Variants in SLCO3A1 observed in about 807,000 individuals in gnomAD.
The protein encoded by SLCO3A1 is solute carrier organic anion transporter family member 3A1.
SLCO3A1 carries 27 observed loss-of-function variants against 63.1 expected under a neutral mutation model. The ratio of observed to expected loss-of-function variants is 0.43; its 90% confidence interval spans 0.32 to 0.59. The LOEUF (loss-of-function observed/expected upper bound fraction) is 0.59, where lower values mean the gene tolerates loss of function less well. Among genes scored for constraint, SLCO3A1 ranks in the 20% least tolerant of loss-of-function variants. The probability of loss-of-function intolerance (pLI) is 0.09; values close to 1 mark genes in which losing one functional copy is unlikely to be tolerated. For missense variants in SLCO3A1, 773 were observed against 945.8 expected (o/e 0.82, Z 2.40); for synonymous variants, 473 against 409.9 (o/e 1.15, Z -1.86).
chr15:91,953,495 G>T (rs1280913690), intron 2 of SLCO3A1, among the ~76,000 whole-genome samples: 2 of 152,194 alleles, frequency 1.3e-5, no homozygotes, highest in Non-Finnish European at 2.9e-5. Context: ...GGGAGAGCCT[G>T]CCAGGAGGAG....
In SLCO3A1 at chr15:91,865,900, C is replaced by A. The variant is rs1336709714; in HGVS notation, c.180+11812C>A. On this transcript the variant is annotated intron_variant, in intron 1 of 9. Transcript: ENST00000318445. The surrounding 1 kb of genome is among the most constrained non-coding windows in gnomAD (Gnocchi z 4.6). ...AAAGAGCAAAGGATCCTAAAACAGTCTGTGTGTACAAAGAAAACAAAGGCA... is the reference window on the plus strand; with the variant it reads ...AAAGAGCAAAGGATCCTAAAACAGTATGTGTGTACAAAGAAAACAAAGGCA... Among the ~76,000 whole-genome samples, 1 of 152,220 alleles carries A rather than the reference C, an allele frequency of 6.6e-6. No homozygotes were observed. The highest frequency in any genetic ancestry group is 1.5e-5 in the Non-Finnish European group (1 of 68,038).
At chr15:91,970,736 G>T (rs1900828773) in intron 2 of SLCO3A1, among the ~76,000 whole-genome samples, 1 of 152,154 alleles carries the variant, frequency 6.6e-6, no homozygotes. Flanking sequence ...CCCTGCTTTG[G>T]TTAGACAGTG....
chr15:91,894,255 A>G lies in SLCO3A1; in HGVS notation c.181-21738A>G. Among the ~76,000 whole-genome samples, 1 of 151,980 alleles carries G rather than the reference A, an allele frequency of 6.6e-6. No individual in the cohort carries two copies. Among genetic ancestry groups the G allele is most frequent in the East Asian group, 1.9e-4 (1 of 5,172 alleles). ...GAGGAGGGCAGGGGTGGGGGGTTTT[A>G]TAGCATCTTGCAGGCCAGGAGGGTC... On this transcript the variant is annotated intron_variant, in intron 1 of 9. Transcript: ENST00000318445. This position sits in a 1 kb window ranked among gnomAD's most constrained non-coding sequence, Gnocchi z 4.8.
At chr15:92,006,086 G>T (rs1221435025) in intron 2 of SLCO3A1, among the ~76,000 whole-genome samples, 1 of 152,062 alleles carries the variant, frequency 6.6e-6, no homozygotes, top group Admixed American at 6.6e-5. Context: ...TGGGCGTGCT[G>T]TTAGGTAATT....
intron 9 of SLCO3A1, among the ~76,000 whole-genome samples, chr15:92,161,251 A>G (rs2048433094): frequency 1.3e-5 from 2 of 152,128 alleles, no homozygotes; most frequent in Admixed American, 6.5e-5. Context: ...TCACTTTCCC[A>G]TAGTACAGAT....
intron 9 of SLCO3A1, among the ~76,000 whole-genome samples, chr15:92,160,421 A>G (rs1392217524): frequency 6.6e-6 from 1 of 152,118 alleles, no homozygotes; most frequent in Non-Finnish European, 1.5e-5. Context: ...GGGGCAGGGA[A>G]AACACACAGG....
chr15:91,878,633 T>G (rs1897466485), intron 1 of SLCO3A1, among the ~76,000 whole-genome samples: 1 of 152,204 alleles, frequency 6.6e-6, no homozygotes, highest in East Asian at 1.9e-4. Context: ...CACTCTGTTA[T>G]GTTTTAAAAT....
At chr15:91,984,204 A>G (rs1028419603) in intron 2 of SLCO3A1, among the ~76,000 whole-genome samples, 4 of 152,194 alleles carry the variant, frequency 2.6e-5, no homozygotes, top group African/African-American at 7.2e-5. Context: ...GGCCTTTTCC[A>G]GGAGGCGGTA....
Position 92,104,533 on chromosome 15 carries a change from C to A in SLCO3A1, c.1000C>A (p.Gln334Lys), listed in dbSNP as rs142950392. ...AGACAGCAGTGCCTCCTGTTTCCAG[C>A]AGCTGAGAGGTAAAGGTGGCCTCAT... Reference protein sequence around the residue: ...EPDSSASCFQQLRVIPKVTKH... With the variant: ...EPDSSASCFQKLRVIPKVTKH... Residue 334 changes from glutamine to lysine, a missense_variant, in exon 4 of 10, where the codon CAG (glutamine) becomes AAG (lysine). By Grantham distance (53) the Gln-to-Lys change is moderately conservative. Coordinates refer to ENST00000318445, the MANE Select transcript of SLCO3A1 (RefSeq NM_013272.4). The A allele has an allele frequency of 1.3e-5, 21 of 1,612,964 alleles. No homozygotes were observed. The highest frequency in any genetic ancestry group is 1.8e-5 in the Non-Finnish European group (21 of 1,179,932).
intron 2 of SLCO3A1, among the ~76,000 whole-genome samples, chr15:92,036,042 C>G (rs1189450945): frequency 6.6e-6 from 1 of 152,128 alleles, no homozygotes; most frequent in African/African-American, 2.4e-5. Context: ...TGGCCACTGC[C>G]CAGGGCTTGG....
intron 2 of SLCO3A1, among the ~76,000 whole-genome samples, chr15:92,052,755 A>ATG (rs1481938612): frequency 6.6e-6 from 1 of 152,200 alleles, no homozygotes; most frequent in Admixed American, 6.5e-5. Flanking sequence ...CCACACTGAG[A>ATG]TGTACTACAA....
chr15:92,165,980 C>A, downstream of SLCO3A1: 1 of 767,744 alleles, frequency 1.3e-6, no homozygotes, highest in Non-Finnish European at 1.6e-6. Context: ...TGAAAAGTCT[C>A]TCTCTGCTGA....
chr15:92,115,583 C>T (rs1250501299), intron 4 of SLCO3A1, among the ~76,000 whole-genome samples: 2 of 152,146 alleles, frequency 1.3e-5, no homozygotes, highest in East Asian at 1.9e-4. Context: ...ATCTTTATAG[C>T]AGTCTGTGGG....
intron 2 of SLCO3A1, among the ~76,000 whole-genome samples, chr15:92,028,207 C>T (rs2046599847): frequency 6.6e-6 from 1 of 152,076 alleles, no homozygotes; most frequent in African/African-American, 2.4e-5. Flanking sequence ...ATGATGGTAC[C>T]AGAATGGCTG....
chr15:92,079,225 A>G (rs1211069351), intron 2 of SLCO3A1, among the ~76,000 whole-genome samples: 6 of 152,148 alleles, frequency 3.9e-5, no homozygotes, highest in African/African-American at 7.2e-5. Context: ...CTAGTACTCC[A>G]TGCCACTAGG....
intron 2 of SLCO3A1, among the ~76,000 whole-genome samples, chr15:91,937,994 G>T (rs746382840): frequency 2.0e-5 from 3 of 152,122 alleles, no homozygotes; most frequent in Non-Finnish European, 4.4e-5. Flanking sequence ...AGTTAATACA[G>T]GTGAAACATT....
chr15:91,957,059 C>G (rs796272658), intron 2 of SLCO3A1, among the ~76,000 whole-genome samples: 1 of 918 alleles, frequency 1.1e-3, no homozygotes, highest in Admixed American at 0.026. Flanking sequence ...ATAATATATA[C>G]TATATATTAT....
chr15:92,026,886 C>G (rs1447166422), intron 2 of SLCO3A1, among the ~76,000 whole-genome samples: 2 of 152,146 alleles, frequency 1.3e-5, no homozygotes, highest in Non-Finnish European at 2.9e-5. Context: ...GTCAGGAGTT[C>G]AAGACCAGCC....
chr15:91,943,346 T>C (rs1001595069), intron 2 of SLCO3A1, among the ~76,000 whole-genome samples: 2 of 152,220 alleles, frequency 1.3e-5, no homozygotes, highest in African/African-American at 4.8e-5. Flanking sequence ...ATCTGTCCTT[T>C]TGTGACTGGT....
Sources: gnomAD v4.1 joint callset for allele counts (sites outside exome capture counted in the v4.1 genomes callset) on GRCh38, gnomAD v4.1.1 for gene constraint, Gnocchi (gnomAD v3.1) non-coding constraint, MANE v1.5 for transcripts, NCBI Gene and HGNC (gene_info 2026-07-23, HGNC 2026-07-21) for gene names.